The following CTNNA2 variants were observed in gnomAD, a reference collection of about 807,000 sequenced individuals.
The protein encoded by CTNNA2 is catenin alpha-2.
In CTNNA2, 42 loss-of-function variants were observed where a neutral mutation model predicts 101.0. That is an observed-to-expected ratio of 0.42 (90% confidence interval 0.32 to 0.54). CTNNA2 has a LOEUF of 0.54. Among genes scored for constraint, CTNNA2 ranks in the 20% least tolerant of loss-of-function variants. CTNNA2 has a pLI of 0.14. For synonymous variants in CTNNA2, 450 were observed against 456.4 expected (o/e 0.99, Z 0.18); for missense variants, 871 against 1,223.1 (o/e 0.71, Z 4.29).
intron 9 of CTNNA2, among the ~76,000 whole-genome samples, chr2:80,453,907 C>A (rs574569479): frequency 1.3e-5 from 2 of 152,062 alleles, no homozygotes; most frequent in African/African-American, 4.8e-5. Flanking sequence ...TACCAGCTGT[C>A]CTAGCTGCTG....
chr2:79,876,406 A>G (rs1683026295), intron 6 of CTNNA2, among the ~76,000 whole-genome samples: 1 of 152,250 alleles, frequency 6.6e-6, no homozygotes, highest in African/African-American at 2.4e-5. Flanking sequence ...TCTCAAATAC[A>G]AAATTATTTT....
chr2:79,706,838 T>G (rs754460315), intron 2 of CTNNA2, among the ~76,000 whole-genome samples: 2 of 152,200 alleles, frequency 1.3e-5, no homozygotes, highest in African/African-American at 4.8e-5. Flanking sequence ...ACTTTCTTTC[T>G]TACTTTATTT....
chr2:79,786,866 A>C (rs2105229746), intron 3 of CTNNA2, among the ~76,000 whole-genome samples: 1 of 152,074 alleles, frequency 6.6e-6, no homozygotes, highest in Middle Eastern at 3.4e-3. Context: ...CTGCCTCTGA[A>C]CTGTTTATCG....
At chr2:80,334,834 T>A (rs1671634491) in intron 7 of CTNNA2, among the ~76,000 whole-genome samples, 1 of 152,194 alleles carries the variant, frequency 6.6e-6, no homozygotes, top group Non-Finnish European at 1.5e-5. Flanking sequence ...CCGAGGGAGT[T>A]GCAGGGACAT....
At chr2:79,332,490 C>T (rs1676897578) in intron 3 of CTNNA2, among the ~76,000 whole-genome samples, 1 of 152,142 alleles carries the variant, frequency 6.6e-6, no homozygotes, top group Non-Finnish European at 1.5e-5. Context: ...CAATCACTTC[C>T]ACTTCTCTCT....
intron 2 of CTNNA2, among the ~76,000 whole-genome samples, chr2:79,717,827 A>T (rs957739751): frequency 7.2e-5 from 11 of 152,220 alleles, no homozygotes; most frequent in African/African-American, 2.7e-4. Flanking sequence ...GTGTCAAAGC[A>T]TGGAGAGAGT....
intron 3 of CTNNA2, among the ~76,000 whole-genome samples, chr2:79,811,614 T>C (rs1292749225): frequency 1.3e-5 from 2 of 152,222 alleles, no homozygotes; most frequent in East Asian, 3.8e-4. Context: ...TACCACACTG[T>C]ATTGATTATT....
At chr2:80,560,160 G>A (rs1034775912) in intron 12 of CTNNA2, among the ~76,000 whole-genome samples, 3 of 151,972 alleles carry the variant, frequency 2.0e-5, no homozygotes, top group Non-Finnish European at 4.4e-5. Context: ...AAATACGTGG[G>A]CCAAGCAGAT....
chr2:79,763,362 T>G (rs1253742192), intron 3 of CTNNA2, among the ~76,000 whole-genome samples: 1 of 152,190 alleles, frequency 6.6e-6, no homozygotes, highest in Non-Finnish European at 1.5e-5. Flanking sequence ...TGGTTTGAAT[T>G]TATTGCACAC....
At chr2:79,846,341 T>C (rs1383395862) in intron 3 of CTNNA2, among the ~76,000 whole-genome samples, 1 of 152,238 alleles carries the variant, frequency 6.6e-6, no homozygotes, top group African/African-American at 2.4e-5. Flanking sequence ...TTTATTTAGC[T>C]GTAGTCTATA....
chr2:79,650,770 A>C (rs760653016), intron 1 of CTNNA2, among the ~76,000 whole-genome samples: 1 of 143,386 alleles, frequency 7.0e-6, no homozygotes, highest in African/African-American at 2.6e-5. Context: ...GTATCTCCCA[A>C]TGCTATCCCT....
chr2:80,567,354 C>T (rs1694151340), intron 12 of CTNNA2, among the ~76,000 whole-genome samples: 1 of 142,568 alleles, frequency 7.0e-6, no homozygotes, highest in African/African-American at 3.1e-5. Context: ...GTAGTTTCTA[C>T]TTCTACATTG....
At chr2:79,842,171 T>A (rs1365769906) in intron 3 of CTNNA2, among the ~76,000 whole-genome samples, 1 of 152,242 alleles carries the variant, frequency 6.6e-6, no homozygotes, top group Non-Finnish European at 1.5e-5. Flanking sequence ...GTTTTAACTA[T>A]GTCTTGGTAT....
chr2:79,795,190 G>A (rs1675602715), intron 3 of CTNNA2, among the ~76,000 whole-genome samples: 1 of 152,072 alleles, frequency 6.6e-6, no homozygotes, highest in South Asian at 2.1e-4. Flanking sequence ...GGATGCATAA[G>A]AAATAAAGTC....
intron 7 of CTNNA2, among the ~76,000 whole-genome samples, chr2:79,933,791 T>C (rs900589216): frequency 6.6e-6 from 1 of 152,248 alleles, no homozygotes; most frequent in Admixed American, 6.5e-5. Context: ...TAACCACCTG[T>C]ATGCTTTTAA....
intron 7 of CTNNA2, among the ~76,000 whole-genome samples, chr2:80,126,522 A>C: frequency 7.2e-6 from 1 of 139,220 alleles, no homozygotes; most frequent in African/African-American, 2.7e-5. Flanking sequence ...AATCCCCTTT[A>C]TTTCTTCTTA....
intron 2 of CTNNA2, among the ~76,000 whole-genome samples, chr2:79,713,032 C>T (rs1342707284): frequency 6.6e-6 from 1 of 152,116 alleles, no homozygotes; most frequent in East Asian, 1.9e-4. Flanking sequence ...GGGAAAAACT[C>T]ACTGGTATCC....
At chr2:80,111,394 A>G (rs769543675) in intron 7 of CTNNA2, among the ~76,000 whole-genome samples, 4 of 152,244 alleles carry the variant, frequency 2.6e-5, no homozygotes, top group Non-Finnish European at 4.4e-5. Flanking sequence ...TGGATGTGGC[A>G]GGAAACTCAC....
chr2:80,023,555 A>G (rs1385071351), intron 7 of CTNNA2, among the ~76,000 whole-genome samples: 1 of 152,174 alleles, frequency 6.6e-6, no homozygotes, highest in Non-Finnish European at 1.5e-5. Flanking sequence ...TCTATTTCCA[A>G]AGTACGTAGG....
Sources: gnomAD v4.1 joint callset for allele counts (sites outside exome capture counted in the v4.1 genomes callset) on GRCh38, gnomAD v4.1.1 for gene constraint, MANE v1.5 for transcripts, NCBI Gene and HGNC (gene_info 2026-07-23, HGNC 2026-07-21) for gene names.